COL9A3: variants seen among roughly 807,000 people sequenced by gnomAD.
The protein encoded by COL9A3 is collagen alpha-3(IX) chain.
A neutral mutation model predicts 110.2 loss-of-function variants in COL9A3; 82 were observed. The ratio of observed to expected loss-of-function variants is 0.74; its 90% CI spans 0.62 to 0.89. The LOEUF (loss-of-function observed/expected upper bound fraction) is 0.89, where lower values mean the gene tolerates loss of function less well. Ranked by LOEUF, COL9A3 falls within the 40% of genes least tolerant of loss-of-function variation. The probability of loss-of-function intolerance (pLI) is 0.00; values close to 1 mark genes in which losing one functional copy is unlikely to be tolerated. For synonymous variants in COL9A3, 494 were observed against 403.8 expected (o/e 1.22, Z -2.68); for missense variants, 1,066 against 981.3 (o/e 1.09, Z -1.15).
intron 17 of COL9A3, among the ~76,000 whole-genome samples, chr20:62,828,369 G>A (rs1295222937): frequency 6.6e-6 from 1 of 152,346 alleles, no homozygotes; most frequent in East Asian, 1.9e-4. Flanking sequence ...GTAGTGCCCT[G>A]TCTTGGGACA....
intron 25 of COL9A3, 111 bp downstream of exon 25, chr20:62,832,300 C>T (rs1458516101): frequency 1.5e-5 from 16 of 1,048,826 alleles, no homozygotes; most frequent in Non-Finnish European, 2.2e-5. Context: ...GACACTGAGC[C>T]TCCTTTCTCC....
chr20:62,831,992 G>A lies in COL9A3; in HGVS notation c.1288-162G>A, dbSNP rs1166478725. ...TCGGGCCCAGAGGCTGTGAACGTGAGCTTGGCCTTTGGGCCTGTGTCTGGG... is the reference window on the plus strand; with the variant it reads ...TCGGGCCCAGAGGCTGTGAACGTGAACTTGGCCTTTGGGCCTGTGTCTGGG... On this transcript the variant is annotated intron_variant, in intron 24 of 31. Transcript: ENST00000649368. The A allele has an allele frequency of 5.3e-6, 4 of 759,262 alleles. No individual in the cohort carries two copies. The Admixed American group carries it at 5.9e-5, about 11-fold the overall frequency. 47.0% of individuals were successfully genotyped at this position (759,262 alleles called of 1,614,324 possible).
chr20:62,839,417 CGGAG>C (rs2063657589), intron 31 of COL9A3, among the ~76,000 whole-genome samples: 1 of 152,222 alleles, frequency 6.6e-6, no homozygotes, highest in Admixed American at 6.5e-5. Flanking sequence ...TGCTTTGTCA[CGGAG>C]GGAGGCAGCG....
At position 62,829,498 on chromosome 20, in the gene COL9A3, G is replaced by C. The variant is rs752483618; in HGVS notation, c.1052G>C (p.Arg351Pro). ...GGGTCCAAAGGCGAGAAGGGAGAAC[G>C]GGTATGTGGCTGCAGCCGCTTTCTC... ...RAGSKGEKGE[R>P]GRAGELGEAG... Residue 351 changes from arginine to proline, a missense_variant and splice_region_variant, in exon 20 of 32, where the codon CGG (arginine) becomes CCG (proline). Arg to Pro is a moderately radical substitution (Grantham distance 103). Transcript: ENST00000649368. 2.5e-6 allele frequency: 4 copies of C among 1,612,898 alleles called. No homozygotes were observed. Among genetic ancestry groups the C allele is most frequent in the Non-Finnish European group, 3.4e-6 (4 of 1,179,932 alleles).
In COL9A3 at chr20:62,823,613, G is replaced by A. The variant is rs930176250; in HGVS notation, c.520-832G>A. Reference sequence around the variant, plus strand: ...GTGGTGCGTGGTTGGGCCCCCGATCGTGGGCTGAGTGGGGCAGGGGCTGAA... The same window carrying A: ...GTGGTGCGTGGTTGGGCCCCCGATCATGGGCTGAGTGGGGCAGGGGCTGAA... On this transcript the variant is annotated intron_variant, in intron 10 of 31. Transcript: ENST00000649368. Among the ~76,000 whole-genome samples, 12 of 152,352 alleles carry A rather than the reference G, an allele frequency of 7.9e-5. No individual in the cohort carries two copies. The South Asian group carries it at 2.3e-3, about 29-fold the overall frequency.
intron 26 of COL9A3, among the ~76,000 whole-genome samples, chr20:62,833,570 A>G (rs2063612781): frequency 6.7e-6 from 1 of 149,550 alleles, no homozygotes; most frequent in South Asian, 2.1e-4. Context: ...TGCCCAGCTA[A>G]TTTTTTGTAT....
chr20:62,821,051 C>T (rs112630837), intron 5 of COL9A3, 130 bp from the exon 6 acceptor site: 23 of 945,258 alleles, frequency 2.4e-5, no homozygotes, highest in African/African-American at 1.3e-4. Flanking sequence ...AGGCCCTGCC[C>T]CTCTGTGAAG....
intron 26 of COL9A3, among the ~76,000 whole-genome samples, chr20:62,834,721 C>G (rs1041243335): frequency 6.6e-6 from 1 of 152,128 alleles, no homozygotes. Flanking sequence ...CAGCTCACTG[C>G]AATCTCTGCC....
Position 62,837,060 on chromosome 20 carries a change from C to G in COL9A3, c.1604-23C>G, listed in dbSNP as rs771825100. ...CTGATGATCCTCTCTCGAGTAAACGCCTGCACCCTTGTTTTCCCAAAGAAC... is the reference window on the plus strand; with the variant it reads ...CTGATGATCCTCTCTCGAGTAAACGGCTGCACCCTTGTTTTCCCAAAGAAC... On this transcript the variant is annotated intron_variant, in intron 29 of 31. Transcript: ENST00000649368. 8.7e-6 allele frequency: 14 copies of G among 1,611,442 alleles called. No individual in the cohort carries two copies. In the East Asian group the frequency reaches 2.4e-4, roughly 28 times the overall value.
intron 12 of COL9A3, chr20:62,825,348 G>T (rs997807764): frequency 1.5e-5 from 5 of 332,126 alleles, no homozygotes; most frequent in Middle Eastern, 9.5e-4. Context: ...AAGCTCCCTG[G>T]TTTGTGTCTG....
Position 62,833,054 on chromosome 20 carries a change from A to G in COL9A3, c.1358A>G (p.Lys453Arg), listed in dbSNP as rs2063609024. 2.5e-6 allele frequency: 4 copies of G among 1,613,470 alleles called. No individual in the cohort carries two copies. The highest frequency in any genetic ancestry group is 2.7e-5 in the African/African-American group (2 of 74,898). Residue 453 changes from lysine to arginine, a missense_variant, in exon 26 of 32, where the codon AAA becomes AGA. Coordinates refer to ENST00000649368, the MANE Select transcript of COL9A3 (RefSeq NM_001853.4). ...GGTTCCGACGGTCTTCCTGGGGATA[A>G]AGGAGAACTGGTGAGTAATTAGGTA... The part of the protein sequence containing the change: ...IAGSDGLPGD[K>R]GELGPSGLVG...
At chr20:62,819,825 C>T in intron 4 of COL9A3, 104 bp from the exon 5 acceptor site, 2 of 1,289,602 alleles carry the variant, frequency 1.6e-6, no homozygotes, top group Non-Finnish European at 2.2e-6. Context: ...TCTTCTATGC[C>T]TCTCTGGACT....
chr20:62,837,055 A>G (rs2063642028), intron 29 of COL9A3, 28 bp from the exon 30 acceptor site: 2 of 1,610,844 alleles, frequency 1.2e-6, no homozygotes, highest in African/African-American at 1.3e-5. Flanking sequence ...TCTCTCGAGT[A>G]AACGCCTGCA....
intron 2 of COL9A3, 151 bp downstream of exon 2, chr20:62,817,786 T>C (rs1568746513): frequency 1.5e-6 from 1 of 650,834 alleles, no homozygotes; most frequent in East Asian, 2.8e-5. Flanking sequence ...CTTCACGGGA[T>C]GGGGGTGGCC....
At chr20:62,823,875 C>CACTGGCTGCTTTGATAGCCA (rs1225216816) in intron 10 of COL9A3, among the ~76,000 whole-genome samples, 6 of 152,382 alleles carry the variant, frequency 3.9e-5, no homozygotes, top group East Asian at 1.9e-4. Flanking sequence ...CAGTGTCTGC[C>CACTGGCTGCTTTGATAGCCA]GTGGGGCCGG....
intron 11 of COL9A3, 60 bp downstream of exon 11, chr20:62,824,561 C>T: frequency 6.6e-7 from 1 of 1,507,146 alleles, no homozygotes; most frequent in Non-Finnish European, 9.0e-7. Context: ...GGCAGCTGGG[C>T]TCCCATGGGG....
At chr20:62,838,630 G>A (rs1417105875) in intron 30 of COL9A3, 54 bp from the exon 31 acceptor site, 3 of 1,456,888 alleles carry the variant, frequency 2.1e-6, no homozygotes, top group African/African-American at 2.8e-5. Context: ...CACCGCTGTG[G>A]TGTGGCTGCA....
At chr20:62,818,038 T>A (rs910802137) in intron 2 of COL9A3, among the ~76,000 whole-genome samples, 20 of 152,086 alleles carry the variant, frequency 1.3e-4, no homozygotes, top group African/African-American at 4.8e-4. Context: ...GCCGACTCAG[T>A]CCTGAGATGA....
At chr20:62,828,123 C>A in intron 17 of COL9A3, 147 bp downstream of exon 17, 1 of 822,244 alleles carries the variant, frequency 1.2e-6, no homozygotes, top group South Asian at 1.5e-5. Context: ...GCCCCGCAGC[C>A]CCACACATTT....
Sources: gnomAD v4.1 joint callset for allele counts (sites outside exome capture counted in the v4.1 genomes callset) on GRCh38, gnomAD v4.1.1 for gene constraint, MANE v1.5 for transcripts, NCBI Gene and HGNC (gene_info 2026-07-23, HGNC 2026-07-21) for gene names.